Variants in CASD1 observed in about 807,000 individuals in gnomAD.
CASD1 encodes N-acetylneuraminate (7)9-O-acetyltransferase.
CASD1 carries 41 observed loss-of-function variants against 100.0 expected under a neutral mutation model. The ratio of observed to expected loss-of-function variants is 0.41; its 90% CI spans 0.32 to 0.53. CASD1 has a LOEUF of 0.53. CASD1 is among the 20% of genes least tolerant of loss of function. CASD1 has a pLI of 0.25. For synonymous variants in CASD1, 321 were observed against 315.6 expected, an observed-to-expected ratio of 1.02 and a Z score of -0.18; for missense variants, 774 against 948.7, an observed-to-expected ratio of 0.82 and a Z score of 2.42.
At chr7:94,565,998 A>G in the CASD1 span, among the ~76,000 whole-genome samples, 2 of 152,166 alleles carry the variant, frequency 1.3e-5, no homozygotes, top group African/African-American at 4.8e-5. Flanking sequence ...GGAAGTGTCA[A>G]TCATTGAGCG....
At chr7:94,536,426 T>C (rs571577660) in intron 8 of CASD1, among the ~76,000 whole-genome samples, 5 of 152,314 alleles carry the variant, frequency 3.3e-5, no homozygotes, top group African/African-American at 7.2e-5. Flanking sequence ...TTTTCTCTTA[T>C]TAAGCAGTGG....
At chr7:94,513,548 T>C (rs1321564446) in intron 1 of CASD1, among the ~76,000 whole-genome samples, 3 of 152,168 alleles carry the variant, frequency 2.0e-5, no homozygotes, top group East Asian at 1.9e-4. Flanking sequence ...AAAGAAAATA[T>C]AGGTTTTTCC....
the CASD1 span, among the ~76,000 whole-genome samples, chr7:94,606,141 T>A: frequency 6.6e-6 from 1 of 152,140 alleles, no homozygotes; most frequent in Non-Finnish European, 1.5e-5. Context: ...AATAATCACT[T>A]TAAACATCAA....
downstream of CASD1, among the ~76,000 whole-genome samples, chr7:94,560,886 T>C (rs558711181): frequency 1.1e-4 from 16 of 152,294 alleles, no homozygotes; most frequent in East Asian, 1.7e-3. Context: ...CATTCTTAGA[T>C]GAGAAATGAC....
At chr7:94,539,684 A>T (rs1041326818) in intron 10 of CASD1, among the ~76,000 whole-genome samples, 5 of 151,374 alleles carry the variant, frequency 3.3e-5, no homozygotes, top group Admixed American at 2.6e-4. Flanking sequence ...AAAAAAAAAA[A>T]GAAAAAAGGA....
At chr7:94,533,460 G>A (rs1290479105) in intron 6 of CASD1, among the ~76,000 whole-genome samples, 1 of 151,958 alleles carries the variant, frequency 6.6e-6, no homozygotes, top group Non-Finnish European at 1.5e-5. Context: ...ATCTAAAATT[G>A]TATTCTTCTT....
At chr7:94,531,461 A>G (rs1794847966) in intron 5 of CASD1, among the ~76,000 whole-genome samples, 1 of 152,174 alleles carries the variant, frequency 6.6e-6, no homozygotes, top group African/African-American at 2.4e-5. Context: ...ATTAAACTTT[A>G]TGCTGAGAAG....
the CASD1 span, chr7:94,598,876 C>T: frequency 6.2e-7 from 1 of 1,613,418 alleles, no homozygotes; most frequent in South Asian, 1.1e-5. Context: ...GAAGCGTTGA[C>T]AGGGGCCATG....
At chr7:94,528,753 A>G (rs560308996) in intron 5 of CASD1, among the ~76,000 whole-genome samples, 2 of 152,270 alleles carry the variant, frequency 1.3e-5, no homozygotes, top group East Asian at 1.9e-4. Context: ...TAAGCATGCT[A>G]TTAACCTCAG....
chr7:94,527,533 T>C (rs2116271597), intron 4 of CASD1, among the ~76,000 whole-genome samples: 1 of 152,148 alleles, frequency 6.6e-6, no homozygotes, highest in East Asian at 1.9e-4. Context: ...TTGCAGGTCT[T>C]TATAGTTCTC....
At position 94,556,018 on chromosome 7, in the gene CASD1, A is replaced by G; in HGVS notation, c.*260A>G. The G allele has an allele frequency of 3.4e-6, 1 of 297,234 alleles. No homozygotes were observed. Among genetic ancestry groups the G allele is most frequent in the African/African-American group, 2.2e-5 (1 of 46,286 alleles). The allele number at this position is 297,234 out of a possible 1,614,324, so 18.4% of individuals were successfully genotyped here. A position where few individuals can be genotyped will look rare whatever the true frequency, so the allele number is the denominator to read the frequency against. ...TTGCATGTGAAGTCTTTTCTACTGA[A>G]TCTATATTTCCATTTGTAAGTGATT... On this transcript the variant is annotated 3_prime_UTR_variant, in exon 18 of 18. Coordinates refer to ENST00000297273, the MANE Select transcript of CASD1 (RefSeq NM_022900.5).
chr7:94,610,564 A>G, the CASD1 span, among the ~76,000 whole-genome samples: 2 of 152,208 alleles, frequency 1.3e-5, no homozygotes, highest in African/African-American at 4.8e-5. Context: ...AACTCTGAGA[A>G]GAAAACAGGT....
chr7:94,556,999 A>C lies in CASD1; in HGVS notation c.*1241A>C, dbSNP rs774397268. On this transcript the variant is annotated 3_prime_UTR_variant, in exon 18 of 18. Transcript: ENST00000297273. ...GTATTGGCAAAGTATCAATTAAACT[A>C]TATGTGTTCTTTTTCAAAAATGCTG... is the stretch of plus-strand genomic sequence containing the variant. 1 of 152,036 alleles carries C rather than the reference A, an allele frequency of 6.6e-6. No homozygotes were observed. The highest frequency in any genetic ancestry group is 2.4e-5 in the African/African-American group (1 of 41,450). The allele number at this position is 152,036 out of a possible 1,614,324, so 9.4% of individuals were successfully genotyped here.
At chr7:94,607,887 A>T in the CASD1 span, among the ~76,000 whole-genome samples, 1 of 152,212 alleles carries the variant, frequency 6.6e-6, no homozygotes, top group Non-Finnish European at 1.5e-5. Flanking sequence ...AAAACTCCTA[A>T]AACTAGTGAG....
At chr7:94,520,857 C>T (rs771760221) in intron 3 of CASD1, among the ~76,000 whole-genome samples, 2 of 151,800 alleles carry the variant, frequency 1.3e-5, no homozygotes, top group Admixed American at 1.3e-4. Flanking sequence ...TTTGGGAGGC[C>T]GAGGTGGGCG....
chr7:94,511,190 C>T (rs920030915), intron 1 of CASD1, among the ~76,000 whole-genome samples: 2 of 152,112 alleles, frequency 1.3e-5, no homozygotes, highest in Non-Finnish European at 1.5e-5. Context: ...TTAATACTAT[C>T]AAAGCCATTA....
intron 16 of CASD1, chr7:94,553,028 T>G (rs1304078757): frequency 3.5e-6 from 1 of 285,816 alleles, no homozygotes; most frequent in Non-Finnish European, 6.9e-6. Flanking sequence ...GTTCCTACTC[T>G]TATGGAGCCT....
At chr7:94,532,041 G>T (rs1794875248) in intron 5 of CASD1, among the ~76,000 whole-genome samples, 1 of 152,024 alleles carries the variant, frequency 6.6e-6, no homozygotes, top group Non-Finnish European at 1.5e-5. Flanking sequence ...CTATATACTT[G>T]TTATATATAA....
At chr7:94,598,384 A>G in the CASD1 span, 3 of 220,790 alleles carry the variant, frequency 1.4e-5, no homozygotes, top group East Asian at 2.6e-4. Context: ...ACAAAGGTCT[A>G]TGGTAATAAC....
Sources: gnomAD v4.1 joint callset for allele counts (sites outside exome capture counted in the v4.1 genomes callset) on GRCh38, gnomAD v4.1.1 for gene constraint, MANE v1.5 for transcripts, NCBI Gene and HGNC (gene_info 2026-07-23, HGNC 2026-07-21) for gene names.